Variants in ADGRL2 observed in about 807,000 individuals in gnomAD.
ADGRL2 encodes calcium-independent alpha-latrotoxin receptor 2.
In ADGRL2, 44 loss-of-function variants were observed where a neutral mutation model predicts 157.4. The ratio of observed to expected loss-of-function variants is 0.28; its 90% CI spans 0.22 to 0.36. The LOEUF is 0.36. Among genes scored for constraint, ADGRL2 ranks in the 10% least tolerant of loss-of-function variants. ADGRL2 has a pLI of 1.00. For missense variants in ADGRL2, 1,510 were observed against 1,768.9 expected (o/e 0.85, Z 2.63); for synonymous variants, 585 against 624.7 (o/e 0.94, Z 0.95).
intron 3 of ADGRL2, among the ~76,000 whole-genome samples, chr1:81,622,264 A>AT (rs2081808811): frequency 6.6e-6 from 1 of 152,162 alleles, no homozygotes; most frequent in Non-Finnish European, 1.5e-5. Flanking sequence ...TGTCCAAAAT[A>AT]TGGCACCGTG....
At chr1:81,653,762 A>G (rs1303109274) in intron 3 of ADGRL2, among the ~76,000 whole-genome samples, 1 of 152,194 alleles carries the variant, frequency 6.6e-6, no homozygotes, top group Non-Finnish European at 1.5e-5. Context: ...GTTCTGAGAA[A>G]AAAAGTTTAG....
intron 2 of ADGRL2, among the ~76,000 whole-genome samples, chr1:81,542,302 C>G (rs2079904545): frequency 6.6e-6 from 1 of 152,156 alleles, no homozygotes; most frequent in Non-Finnish European, 1.5e-5. Context: ...AGGCCTAACA[C>G]TCGTGGCCAT....
chr1:81,939,970 A>G (rs1647287592), intron 4 of ADGRL2, among the ~76,000 whole-genome samples: 2 of 151,100 alleles, frequency 1.3e-5, no homozygotes, highest in South Asian at 4.1e-4. Context: ...CAGAATTATA[A>G]AATATATACA....
At chr1:81,947,800 C>T (rs1650365499) in intron 6 of ADGRL2, among the ~76,000 whole-genome samples, 1 of 152,100 alleles carries the variant, frequency 6.6e-6, no homozygotes, top group Non-Finnish European at 1.5e-5. Context: ...TCTATGTGTA[C>T]CTCTAAAAGA....
intron 1 of ADGRL2, among the ~76,000 whole-genome samples, chr1:81,368,892 CT>C (rs1259949478): frequency 6.6e-6 from 1 of 152,038 alleles, no homozygotes; most frequent in Non-Finnish European, 1.5e-5. Flanking sequence ...ATTTGTCATC[CT>C]TTTTTTACAT....
chr1:81,978,274 G>T (rs1272763820), intron 17 of ADGRL2, among the ~76,000 whole-genome samples: 5 of 151,566 alleles, frequency 3.3e-5, no homozygotes, highest in African/African-American at 1.2e-4. Context: ...ATAAATATTT[G>T]TTGAATGAAA....
intron 1 of ADGRL2, among the ~76,000 whole-genome samples, chr1:81,411,642 C>T (rs1205991089): frequency 1.3e-5 from 2 of 152,090 alleles, no homozygotes; most frequent in African/African-American, 2.4e-5. Context: ...CCTGTAATCC[C>T]AGCACTTTGG....
Position 81,349,631 on chromosome 1 carries a change from T to TACAC in ADGRL2, c.-302+43152_-302+43155dup, listed in dbSNP as rs36213279. On this transcript the variant is annotated intron_variant, in intron 1 of 24. Transcript: ENST00000370721. Reference sequence around the variant, plus strand: ...GATGATAAAGACCTGTGTTGTGAGCTACACACACACACACACACACACACA... The same window carrying TACAC: ...GATGATAAAGACCTGTGTTGTGAGCTACACACACACACACACACACACACACACA... 4.5e-3 allele frequency among the ~76,000 whole-genome samples: 638 copies of TACAC among 142,838 alleles called. 2 individuals carry two copies. The highest frequency in any genetic ancestry group is 0.018 in the South Asian group (79 of 4,298). The allele number at this position is 142,838 out of a possible 152,430, so 93.7% of individuals were successfully genotyped here.
chr1:81,946,716 C>T (rs1490828328), intron 6 of ADGRL2, among the ~76,000 whole-genome samples: 1 of 152,040 alleles, frequency 6.6e-6, no homozygotes, highest in Non-Finnish European at 1.5e-5. Flanking sequence ...ATTCATACTT[C>T]CGGAAATACC....
At chr1:81,665,175 G>A (rs1178790519) in intron 3 of ADGRL2, among the ~76,000 whole-genome samples, 3 of 152,072 alleles carry the variant, frequency 2.0e-5, no homozygotes, top group Non-Finnish European at 4.4e-5. Flanking sequence ...TGGATAAACT[G>A]ATTATTTAGA....
intron 1 of ADGRL2, among the ~76,000 whole-genome samples, chr1:81,443,797 A>G (rs72940944): frequency 0.024 from 3,596 of 152,308 alleles, 71 homozygotes; most frequent in African/African-American, 0.042. Flanking sequence ...ATTAGAATAG[A>G]AATGCTCAAA....
chr1:81,889,223 C>T (rs1036511154), intron 2 of ADGRL2, among the ~76,000 whole-genome samples: 1 of 152,206 alleles, frequency 6.6e-6, no homozygotes, highest in African/African-American at 2.4e-5. Flanking sequence ...GAAGGCATAT[C>T]AAAAGCTTAG....
chr1:81,396,559 C>T (rs1399633797), intron 1 of ADGRL2, among the ~76,000 whole-genome samples: 2 of 152,098 alleles, frequency 1.3e-5, no homozygotes, highest in Non-Finnish European at 2.9e-5. Context: ...TGAGAGTGGG[C>T]ATCCTTGTCA....
intron 1 of ADGRL2, among the ~76,000 whole-genome samples, chr1:81,746,744 T>C (rs1355179080): frequency 6.6e-6 from 1 of 151,902 alleles, no homozygotes; most frequent in African/African-American, 2.4e-5. Context: ...ACAATATTAT[T>C]GGATTCTTTT....
intron 1 of ADGRL2, among the ~76,000 whole-genome samples, chr1:81,717,079 T>TGTTATCGCAGCA (rs2084142741): frequency 6.6e-6 from 1 of 152,230 alleles, no homozygotes; most frequent in African/African-American, 2.4e-5. Flanking sequence ...GCCTTTTGCC[T>TGTTATCGCAGCA]CTATTTAGCA....
intron 3 of ADGRL2, among the ~76,000 whole-genome samples, chr1:81,679,274 AG>A (rs1342416426): frequency 6.6e-6 from 1 of 152,138 alleles, no homozygotes; most frequent in African/African-American, 2.4e-5. Context: ...GAATCTTAAG[AG>A]TCAACATGAG....
chr1:81,600,152 T>C (rs2081308980), intron 3 of ADGRL2, among the ~76,000 whole-genome samples: 2 of 152,322 alleles, frequency 1.3e-5, no homozygotes, highest in East Asian at 1.9e-4. Context: ...TTCCAGAGCA[T>C]AGATCAGTGT....
chr1:81,336,797 G>T (rs1426915466), intron 1 of ADGRL2, among the ~76,000 whole-genome samples: 1 of 152,076 alleles, frequency 6.6e-6, no homozygotes, highest in Non-Finnish European at 1.5e-5. Context: ...CTGGACAAGT[G>T]GCCCAAAGTG....
chr1:81,983,161 A>G (rs1288614214), intron 19 of ADGRL2, among the ~76,000 whole-genome samples: 7 of 151,974 alleles, frequency 4.6e-5, no homozygotes. Context: ...ATTTCCTCAT[A>G]TAGTTATGTG....
Sources: allele counts gnomAD v4.1 joint callset (sites outside exome capture counted in the v4.1 genomes callset), GRCh38; gene constraint gnomAD v4.1.1; transcripts MANE v1.5; gene names NCBI Gene and HGNC (gene_info 2026-07-23, HGNC 2026-07-21).